NRG1: variants seen among roughly 807,000 people sequenced by gnomAD.
NRG1 encodes neuregulin 1.
A neutral mutation model predicts 63.8 loss-of-function variants in NRG1; 18 were observed. The observed-to-expected ratio is 0.28, with a 90% CI of 0.19 to 0.42. The LOEUF is 0.42. Among genes scored for constraint, NRG1 ranks in the 10% least tolerant of loss-of-function variants. The probability of loss-of-function intolerance (pLI) is 1.00; values close to 1 mark genes in which losing one functional copy is unlikely to be tolerated. For missense variants in NRG1, 762 were observed against 814.7 expected, an observed-to-expected ratio of 0.94 and a Z score of 0.79; for synonymous variants, 302 against 301.3, an observed-to-expected ratio of 1.00 and a Z score of -0.02.
chr8:32,302,010 G>C (rs1298476096), intron 1 of NRG1, among the ~76,000 whole-genome samples: 1 of 152,158 alleles, frequency 6.6e-6, no homozygotes, highest in Non-Finnish European at 1.5e-5. Flanking sequence ...TTGCCTGGGA[G>C]GTCTGGTTTT....
chr8:32,190,368 C>T (rs1842372955), intron 1 of NRG1, among the ~76,000 whole-genome samples: 5 of 152,090 alleles, frequency 3.3e-5, no homozygotes, highest in Admixed American at 3.3e-4. Flanking sequence ...CTCAGCAACA[C>T]TTCTGGTTCA....
At chr8:32,128,367 A>C (rs1012964452) in intron 1 of NRG1, among the ~76,000 whole-genome samples, 2 of 151,978 alleles carry the variant, frequency 1.3e-5, no homozygotes, top group Non-Finnish European at 2.9e-5. Flanking sequence ...AATGGAGTGC[A>C]CACATGGCAG....
intron 1 of NRG1, among the ~76,000 whole-genome samples, chr8:31,850,977 C>T (rs1827156992): frequency 6.6e-6 from 1 of 152,198 alleles, no homozygotes; most frequent in South Asian, 2.1e-4. Flanking sequence ...ACTTTCTCCT[C>T]TCTTGGTTCC....
chr8:32,704,863 C>G lies in NRG1; in HGVS notation c.503-23086C>G, dbSNP rs145328019. On this transcript the variant is annotated intron_variant, in intron 5 of 11. Coordinates refer to ENST00000356819, the Ensembl canonical transcript of NRG1. ...CTGCTGATGGCCAATAAAAGCTATACAAAGTCTCATCAATGAAATTAGTAA... is the reference window on the plus strand; with the variant it reads ...CTGCTGATGGCCAATAAAAGCTATAGAAAGTCTCATCAATGAAATTAGTAA... 4.0e-3 allele frequency among the ~76,000 whole-genome samples: 604 copies of G among 152,256 alleles called. 5 individuals are homozygous for G. The highest frequency in any genetic ancestry group is 0.014 in the African/African-American group (567 of 41,540).
intron 1 of NRG1, among the ~76,000 whole-genome samples, chr8:32,031,267 C>T (rs935775382): frequency 6.6e-6 from 1 of 152,210 alleles, no homozygotes; most frequent in Non-Finnish European, 1.5e-5. Context: ...ACCTCAGGCC[C>T]ATCTCTCTTT....
chr8:31,799,776 G>GT (rs1471750530), intron 1 of NRG1, among the ~76,000 whole-genome samples: 1 of 151,844 alleles, frequency 6.6e-6, no homozygotes, highest in South Asian at 2.1e-4. Flanking sequence ...ACATATATAT[G>GT]TTTTTTGTTT....
chr8:31,740,077 GA>G lies in NRG1; in HGVS notation c.37+100655del, dbSNP rs570580033. ...GCAGCTGATATCATTTGCCTTGTGG[GA>G]AAAAAAAATGAGGCTGTTTTATGTT... is the stretch of plus-strand genomic sequence containing the variant. On this transcript the variant is annotated intron_variant, in intron 1 of 10. Coordinates refer to the NRG1 transcript ENST00000519301. 1.5e-3 allele frequency among the ~76,000 whole-genome samples: 226 copies of G among 150,390 alleles called. 1 individual carries two copies. Among genetic ancestry groups the G allele is most frequent in the Non-Finnish European group, 1.9e-3 (131 of 67,532 alleles).
intron 1 of NRG1, among the ~76,000 whole-genome samples, chr8:32,174,317 G>A (rs922337974): frequency 6.6e-6 from 1 of 151,992 alleles, no homozygotes; most frequent in Non-Finnish European, 1.5e-5. Flanking sequence ...CAGAATCTCT[G>A]GGACACATTC....
At chr8:31,722,272 G>A (rs527310608) in intron 1 of NRG1, among the ~76,000 whole-genome samples, 2 of 151,884 alleles carry the variant, frequency 1.3e-5, no homozygotes, top group Non-Finnish European at 2.9e-5. Flanking sequence ...TTACTCCCAG[G>A]TCTCTCTATC....
At chr8:32,693,661 T>C (rs943929486) in intron 5 of NRG1, among the ~76,000 whole-genome samples, 14 of 151,930 alleles carry the variant, frequency 9.2e-5, no homozygotes, top group African/African-American at 3.4e-4. Flanking sequence ...TCAGAAATCA[T>C]TAGATAGAAC....
At chr8:32,693,767 A>G (rs1422265412) in intron 5 of NRG1, among the ~76,000 whole-genome samples, 1 of 152,190 alleles carries the variant, frequency 6.6e-6, no homozygotes, top group South Asian at 2.1e-4. Flanking sequence ...CCTCTGATAC[A>G]GTAAAGTCAA....
At position 32,012,475 on chromosome 8, in the gene NRG1, T is replaced by G. The variant is rs187412861; in HGVS notation, c.37+373044T>G. ...AATATCAGGAGAGGATAGGAGAGAC[T>G]ATGTGGAATTGCTTTACAAGAATGG... On this transcript the variant is annotated intron_variant, in intron 1 of 10. Transcript: ENST00000519301. Among the ~76,000 whole-genome samples the G allele has an allele frequency of 8.3e-4, 127 of 152,198 alleles. 1 individual carries two copies. Among genetic ancestry groups the G allele is most frequent in the African/African-American group, 2.8e-3 (117 of 41,546 alleles).
At chr8:32,586,773 GA>G (rs1285214662) in intron 1 of NRG1, among the ~76,000 whole-genome samples, 2 of 152,158 alleles carry the variant, frequency 1.3e-5, no homozygotes, top group African/African-American at 4.8e-5. Flanking sequence ...ATACACACCA[GA>G]ACTGTTGCAG....
intron 1 of NRG1, among the ~76,000 whole-genome samples, chr8:32,481,633 G>C (rs952978659): frequency 2.0e-5 from 3 of 152,156 alleles, no homozygotes; most frequent in Non-Finnish European, 4.4e-5. Flanking sequence ...GCATTATCTT[G>C]GGCAAGTCAT....
At chr8:31,747,506 G>A (rs1413803640) in intron 1 of NRG1, among the ~76,000 whole-genome samples, 2 of 151,952 alleles carry the variant, frequency 1.3e-5, no homozygotes, top group Non-Finnish European at 2.9e-5. Context: ...TCATCATCCA[G>A]CATTTCCTGA....
rs144328314 is a variant in NRG1 at position 32,264,975 on chromosome 8, T to C, written c.38-330853T>C. ...TCAAAGGAACAAACCCACTTGCTGA[T>C]AGATTGTCAAAAAGTATAGTGTCTG... On this transcript the variant is annotated intron_variant, in intron 1 of 10. Transcript: ENST00000519301. Among the ~76,000 whole-genome samples, 26 of 152,286 alleles carry C rather than the reference T, an allele frequency of 1.7e-4. 1 individual carries two copies. Among genetic ancestry groups the C allele is most frequent in the African/African-American group, 6.0e-4 (25 of 41,576 alleles).
intron 1 of NRG1, among the ~76,000 whole-genome samples, chr8:31,957,216 A>C (rs1804600280): frequency 1.3e-5 from 2 of 149,218 alleles, no homozygotes; most frequent in Non-Finnish European, 1.5e-5. Context: ...TGTCTTTGGC[A>C]GGTTTTACAA....
At position 31,737,314 on chromosome 8, in the gene NRG1, G is replaced by A. The variant is rs533439624; in HGVS notation, c.37+97883G>A. On this transcript the variant is annotated intron_variant, in intron 1 of 10. Transcript: ENST00000519301. ...CTGTGTTATGTGGCCCTTGTTATCT[G>A]ATTACCTAGGGCCCTGGTCTCAATT... Among the ~76,000 whole-genome samples the A allele has an allele frequency of 1.7e-4, 26 of 152,108 alleles. 1 individual carries two copies. The highest frequency in any genetic ancestry group is 5.1e-4 in the African/African-American group (21 of 41,518).
intron 1 of NRG1, among the ~76,000 whole-genome samples, chr8:32,264,840 C>T (rs962640952): frequency 1.3e-5 from 2 of 151,138 alleles, no homozygotes; most frequent in Non-Finnish European, 2.9e-5. Context: ...CTGAAAGATA[C>T]GGTTTGGAAA....
Sources: gnomAD v4.1 joint callset for allele counts (sites outside exome capture counted in the v4.1 genomes callset) on GRCh38, gnomAD v4.1.1 for gene constraint, MANE v1.5 for transcripts, NCBI Gene and HGNC (gene_info 2026-07-23, HGNC 2026-07-21) for gene names.